The following PPP2R5E variants were observed in gnomAD, a reference collection of about 807,000 sequenced individuals.
The protein encoded by PPP2R5E is protein phosphatase 2 regulatory subunit B'epsilon, also known as serine/threonine-protein phosphatase 2A 56 kDa regulatory subunit epsilon isoform.
A neutral mutation model predicts 65.3 loss-of-function variants in PPP2R5E; 4 were observed. That is an observed-to-expected ratio of 0.06 (90% CI 0.03 to 0.14). The LOEUF is 0.14. Ranked by LOEUF, PPP2R5E falls within the 10% of genes least tolerant of loss-of-function variation. PPP2R5E has a pLI of 1.00. For missense variants in PPP2R5E, 274 were observed against 556.1 expected, an observed-to-expected ratio of 0.49 and a Z score of 5.10; for synonymous variants, 183 against 187.4, an observed-to-expected ratio of 0.98 and a Z score of 0.19.
At chr14:63,403,273 C>A (rs377580968) in intron 5 of PPP2R5E, among the ~76,000 whole-genome samples, 2 of 148,580 alleles carry the variant, frequency 1.3e-5, no homozygotes, top group South Asian at 4.3e-4. Flanking sequence ...ACTGAAAATA[C>A]AAAAATTAGT....
intron 2 of PPP2R5E, among the ~76,000 whole-genome samples, chr14:63,475,602 A>G (rs894405924): frequency 2.6e-5 from 4 of 152,212 alleles, no homozygotes; most frequent in African/African-American, 9.7e-5. Flanking sequence ...ATTATTTATA[A>G]TCTTTCATTT....
At chr14:63,385,436 T>A (rs1048829114) in intron 11 of PPP2R5E, among the ~76,000 whole-genome samples, 10 of 152,188 alleles carry the variant, frequency 6.6e-5, no homozygotes, top group Non-Finnish European at 1.3e-4. Context: ...GCCCATGTCA[T>A]CTGATTCCAC....
intron 2 of PPP2R5E, among the ~76,000 whole-genome samples, chr14:63,459,130 T>A (rs1889316178): frequency 6.6e-6 from 1 of 152,192 alleles, no homozygotes; most frequent in African/African-American, 2.4e-5. Context: ...AAACTAAGTG[T>A]CTCATAGTTC....
At chr14:63,385,278 A>G (rs945437147) in intron 11 of PPP2R5E, among the ~76,000 whole-genome samples, 1 of 151,956 alleles carries the variant, frequency 6.6e-6, no homozygotes, top group Non-Finnish European at 1.5e-5. Context: ...GTGAGTGGAG[A>G]TCATGCCACT....
intron 2 of PPP2R5E, among the ~76,000 whole-genome samples, chr14:63,503,703 G>A (rs1287815946): frequency 6.6e-6 from 1 of 152,122 alleles, no homozygotes; most frequent in Non-Finnish European, 1.5e-5. Context: ...ATAGTTTAAT[G>A]AATTTCACAT....
chr14:63,421,450 G>C (rs1237899436), intron 4 of PPP2R5E, among the ~76,000 whole-genome samples: 4 of 152,158 alleles, frequency 2.6e-5, no homozygotes, highest in Non-Finnish European at 4.4e-5. Context: ...GGAAAACATG[G>C]CCTTCTCAGT....
At chr14:63,390,236 C>A (rs1350747750) in intron 10 of PPP2R5E, among the ~76,000 whole-genome samples, 1 of 151,914 alleles carries the variant, frequency 6.6e-6, no homozygotes, top group African/African-American at 2.4e-5. Flanking sequence ...CACAAATGAG[C>A]AGACTCACTC....
rs1385173932 is a variant in PPP2R5E, at chr14:63,374,769, T to C, written c.*1240A>G. 2.0e-5 allele frequency: 3 copies of C among 151,666 alleles called. No individual in the cohort carries two copies. The highest frequency in any genetic ancestry group is 4.4e-5 in the Non-Finnish European group (3 of 67,844). The allele number at this position is 151,666 out of a possible 1,614,324, so 9.4% of individuals were successfully genotyped here. A position where few individuals can be genotyped will look rare whatever the true frequency, so the allele number is the denominator to read the frequency against. Reference sequence around the variant, plus strand: ...AAGCATTTTTAAACTTTATTATTAATACTCAGGACATTAGGAATTTCCAGA... The same window carrying C: ...AAGCATTTTTAAACTTTATTATTAACACTCAGGACATTAGGAATTTCCAGA... On this transcript the variant is annotated 3_prime_UTR_variant, in exon 14 of 14. Transcript: ENST00000337537.
chr14:63,466,800 T>C (rs1018857162), intron 2 of PPP2R5E, among the ~76,000 whole-genome samples: 4 of 149,324 alleles, frequency 2.7e-5, no homozygotes. Flanking sequence ...TATGTGTATG[T>C]ATGTATGTGT....
intron 2 of PPP2R5E, among the ~76,000 whole-genome samples, chr14:63,530,639 T>TC (rs1184455767): frequency 7.1e-6 from 1 of 141,568 alleles, no homozygotes; most frequent in Non-Finnish European, 1.5e-5. Flanking sequence ...TCTTTTTTTT[T>TC]TTTTTTTTTT....
intron 2 of PPP2R5E, among the ~76,000 whole-genome samples, chr14:63,529,202 T>G (rs535633400): frequency 3.9e-5 from 6 of 152,202 alleles, no homozygotes; most frequent in South Asian, 4.2e-4. Context: ...CCTCAGGAGA[T>G]CCTCCTGCGT....
intron 3 of PPP2R5E, among the ~76,000 whole-genome samples, chr14:63,439,487 G>A (rs2139426369): frequency 6.6e-6 from 1 of 152,222 alleles, no homozygotes; most frequent in Non-Finnish European, 1.5e-5. Flanking sequence ...CCATTCTCCT[G>A]CCTCAGCCTC....
At chr14:63,488,055 A>C (rs929542829) in intron 2 of PPP2R5E, among the ~76,000 whole-genome samples, 10 of 152,096 alleles carry the variant, frequency 6.6e-5, no homozygotes, top group Non-Finnish European at 1.5e-5. Context: ...TAAATATTTT[A>C]TTTCTATTAT....
At chr14:63,452,245 G>A (rs998459743) in intron 3 of PPP2R5E, 2 of 152,198 alleles carry the variant, frequency 1.3e-5, no homozygotes, top group Non-Finnish European at 2.9e-5. Flanking sequence ...CTAAAACCAG[G>A]GACTGTGCTC....
intron 3 of PPP2R5E, among the ~76,000 whole-genome samples, chr14:63,436,652 G>C (rs942583087): frequency 6.6e-6 from 1 of 152,178 alleles, no homozygotes; most frequent in Admixed American, 6.5e-5. Flanking sequence ...TGAATTAAGT[G>C]TGATATGCCA....
chr14:63,467,523 T>C (rs1012347903), intron 2 of PPP2R5E, among the ~76,000 whole-genome samples: 4 of 152,136 alleles, frequency 2.6e-5, no homozygotes, highest in Non-Finnish European at 5.9e-5. Flanking sequence ...ATTATATAAC[T>C]CTATCTTCCA....
intron 10 of PPP2R5E, among the ~76,000 whole-genome samples, chr14:63,389,967 T>C (rs1884914544): frequency 6.6e-6 from 1 of 152,070 alleles, no homozygotes. Context: ...GTATATATAT[T>C]ACATAGAACG....
At chr14:63,490,100 A>T (rs1205649458) in intron 2 of PPP2R5E, among the ~76,000 whole-genome samples, 1 of 152,116 alleles carries the variant, frequency 6.6e-6, no homozygotes, top group African/African-American at 2.4e-5. Flanking sequence ...GCAGAGTAGA[A>T]GAACTAGGCC....
chr14:63,437,579 A>C (rs1888006295), intron 3 of PPP2R5E, among the ~76,000 whole-genome samples: 1 of 152,170 alleles, frequency 6.6e-6, no homozygotes, highest in Non-Finnish European at 1.5e-5. Context: ...AATCTGTCTA[A>C]GAGAAAAAAG....
Sources: allele counts gnomAD v4.1 joint callset (sites outside exome capture counted in the v4.1 genomes callset), GRCh38; gene constraint gnomAD v4.1.1; transcripts MANE v1.5; gene names NCBI Gene and HGNC (gene_info 2026-07-23, HGNC 2026-07-21).